Variants in CTCFL observed in about 807,000 individuals in gnomAD.
CTCFL encodes CCCTC-binding factor like.
A neutral mutation model predicts 67.4 loss-of-function variants in CTCFL; 36 were observed. The ratio of observed to expected loss-of-function variants is 0.53; its 90% CI spans 0.41 to 0.71. The LOEUF (loss-of-function observed/expected upper bound fraction) is 0.71, where lower values mean the gene tolerates loss of function less well. Among genes scored for constraint, CTCFL ranks in the 30% least tolerant of loss-of-function variants. The pLI is 0.00. For missense variants in CTCFL, 786 were observed against 835.2 expected (o/e 0.94, Z 0.73); for synonymous variants, 324 against 302.3 (o/e 1.07, Z -0.75).
Position 57,498,539 on chromosome 20 carries a change from C to T in CTCFL, c.*11G>A. On this transcript the variant is annotated 3_prime_UTR_variant, in exon 11 of 11. Coordinates refer to ENST00000243914, the MANE Select transcript of CTCFL (RefSeq NM_001386993.1). ...GAATTGGGGGCAGTGAACACGCAACCCGAATCCCTCTCACTTATCCATCGT... is the reference window on the plus strand; with the variant it reads ...GAATTGGGGGCAGTGAACACGCAACTCGAATCCCTCTCACTTATCCATCGT... The T allele has an allele frequency of 6.2e-7, 1 of 1,608,212 alleles. No individual in the cohort carries two copies.
intron 10 of CTCFL, chr20:57,500,318 G>A (rs2067852438): frequency 3.7e-6 from 2 of 544,408 alleles, no homozygotes; most frequent in Non-Finnish European, 5.6e-6. Flanking sequence ...AGCCAGGCGT[G>A]GTGGCGGGCA....
intron 5 of CTCFL, 28 bp downstream of exon 5, chr20:57,518,730 G>C: frequency 6.2e-7 from 1 of 1,614,108 alleles, no homozygotes; most frequent in Non-Finnish European, 8.5e-7. Flanking sequence ...AAGATGCCAT[G>C]AAGCTTCAAG....
chr20:57,508,701 G>T lies in CTCFL; in HGVS notation c.1579C>A (p.Gln527Lys). 2.5e-6 allele frequency: 4 copies of T among 1,614,136 alleles called. No individual in the cohort carries two copies. The highest frequency in any genetic ancestry group is 1.7e-6 in the Non-Finnish European group (2 of 1,179,994). Reference protein sequence around the residue: ...LSCNKCFRQKQLLNAHFRKYH... With the variant: ...LSCNKCFRQKKLLNAHFRKYH... ...TTCCTGAAGTGAGCGTTTAGAAGTT[G>T]CTTCTGTCGGAAACATTTATTGCAA... The change falls in exon 9 of 11, where the codon CAA (glutamine) becomes AAA (lysine). Residue 527 changes from glutamine to lysine, a missense_variant. By Grantham distance (53) the Gln-to-Lys change is moderately conservative. This residue lies in a region of CTCFL where 199 missense variants were observed against 196.7 expected (regional missense o/e 1.01). Transcript: ENST00000243914.
At chr20:57,499,075 G>GGGGGGT (rs2067786327) in intron 10 of CTCFL, among the ~76,000 whole-genome samples, 2 of 84,636 alleles carry the variant, frequency 2.4e-5, no homozygotes, top group Non-Finnish European at 4.2e-5. Flanking sequence ...GAAGGTGACG[G>GGGGGGT]GGGGGGGGTG....
intron 5 of CTCFL, among the ~76,000 whole-genome samples, chr20:57,518,337 C>T (rs183281172): frequency 4.1e-4 from 63 of 152,340 alleles, no homozygotes; most frequent in Admixed American, 1.2e-3. Context: ...GAAACGTCTA[C>T]GCTTAAATCT....
intron 5 of CTCFL, among the ~76,000 whole-genome samples, chr20:57,516,728 T>G (rs2068950303): frequency 6.6e-6 from 1 of 152,134 alleles, no homozygotes; most frequent in Non-Finnish European, 1.5e-5. Context: ...TAAGAAGAAT[T>G]AAGTTTTAAG....
intron 7 of CTCFL, chr20:57,513,142 G>GAACA (rs1323812720): frequency 6.3e-5 from 38 of 598,764 alleles, no homozygotes; most frequent in Non-Finnish European, 7.8e-5. Context: ...AATGTTCATT[G>GAACA]AACAAAGCAC....
chr20:57,524,691 C>T (rs2146486426), intron 1 of CTCFL: 1 of 998,270 alleles, frequency 1.0e-6, no homozygotes, highest in Non-Finnish European at 1.2e-6. Flanking sequence ...ACCCGGCGCC[C>T]AGCGAGGTTC....
chr20:57,504,111 G>A (rs113269782), intron 9 of CTCFL, among the ~76,000 whole-genome samples: 4 of 151,626 alleles, frequency 2.6e-5, no homozygotes, highest in African/African-American at 9.7e-5. Flanking sequence ...CAAGTAGCTG[G>A]GACTACAGGC....
rs769011689 is a variant in CTCFL at position 57,523,758 on chromosome 20, C to T, written c.448G>A (p.Val150Met). The T allele has an allele frequency of 3.1e-6, 5 of 1,613,300 alleles. No homozygotes were observed. The South Asian group carries it at 4.4e-5, about 14-fold the overall frequency. ...TCCTCTAGAGCGTGGAACTGCAACA[C>T]CTCCATCTCTTGCGGGGAGTACAGC... The part of the protein sequence containing the change: ...QELYSPQEME[V>M]LQFHALEENV... Residue 150 changes from valine (V) to methionine (M), a missense_variant, in exon 2 of 11, where the codon GTG becomes ATG. By Grantham distance (21) the Val-to-Met change is conservative. Around this residue, in one of 3 missense-constraint regions of CTCFL, gnomAD observed 333 missense variants for 304.6 expected, o/e 1.09. Transcript: ENST00000243914.
chr20:57,518,851 A>G lies in CTCFL; in HGVS notation c.966T>C (p.Phe322=), dbSNP rs953501676. The change falls in exon 5 of 11, where the codon TTT becomes TTC. Residue 322 remains phenylalanine (F), a synonymous_variant. Coordinates refer to ENST00000243914, the MANE Select transcript of CTCFL (RefSeq NM_001386993.1). ...PYKCNDCNMA[F]VTSGELVRHR... is the part of the protein sequence containing the mutation. ...GTCGGACGAGTTCTCCACTGGTGAC[A>G]AATGCCATGTTGCAGTCGTTACACT... 2 of 1,614,024 alleles carry G rather than the reference A, an allele frequency of 1.2e-6. No homozygotes were observed. Among genetic ancestry groups the G allele is most frequent in the African/African-American group, 2.7e-5 (2 of 74,940 alleles).
intron 10 of CTCFL, among the ~76,000 whole-genome samples, chr20:57,503,180 C>T (rs530534324): frequency 2.5e-4 from 38 of 152,360 alleles, no homozygotes; most frequent in African/African-American, 8.7e-4. Flanking sequence ...TAGCTGCAGG[C>T]GACAGTCCAA....
intron 10 of CTCFL, chr20:57,500,078 T>C (rs949519261): frequency 1.1e-5 from 11 of 976,748 alleles, no homozygotes; most frequent in Non-Finnish European, 2.4e-6. Context: ...CCATGCTTCC[T>C]TGAAGTATTT....
At position 57,497,463 on chromosome 20, in the gene CTCFL, T is replaced by C; in HGVS notation, c.*1087A>G. On this transcript the variant is annotated 3_prime_UTR_variant, in exon 11 of 11. Coordinates refer to ENST00000243914, the MANE Select transcript of CTCFL (RefSeq NM_001386993.1). ...TGAATTTAGGGCTTATCAATGATCT[T>C]GAAATACAGGGGTGGAGACAGGTTG... 4 of 985,402 alleles carry C rather than the reference T, an allele frequency of 4.1e-6. No homozygotes were observed. The highest frequency in any genetic ancestry group is 4.8e-6 in the Non-Finnish European group (4 of 829,916). The allele number at this position is 985,402 out of a possible 1,614,324, so 61.0% of individuals were successfully genotyped here. A position where few individuals can be genotyped will look rare whatever the true frequency, so the allele number is the denominator to read the frequency against.
At chr20:57,503,222 C>G (rs1301097830) in intron 10 of CTCFL, among the ~76,000 whole-genome samples, 1 of 152,216 alleles carries the variant, frequency 6.6e-6, no homozygotes, top group African/African-American at 2.4e-5. Context: ...GGGGTGGGGG[C>G]CACACATGGA....
chr20:57,514,761 G>A lies in CTCFL; in HGVS notation c.1181-20C>T. On this transcript the variant is annotated intron_variant, in intron 6 of 10. Transcript: ENST00000243914. ...TCTCACCTGAGATGCAGACAACAAAGTGATTCCCCCTCCAGGCCTGATCCT... is the reference window on the plus strand; with the variant it reads ...TCTCACCTGAGATGCAGACAACAAAATGATTCCCCCTCCAGGCCTGATCCT... The A allele has an allele frequency of 3.1e-6, 5 of 1,612,470 alleles. No homozygotes were observed. The Middle Eastern group carries it at 6.6e-4, about 213-fold the overall frequency.
intron 3 of CTCFL, among the ~76,000 whole-genome samples, chr20:57,522,658 A>G (rs1459972435): frequency 6.6e-6 from 1 of 152,062 alleles, no homozygotes; most frequent in Non-Finnish European, 1.5e-5. Context: ...ACTCACCTAA[A>G]TATCACCTCC....
At chr20:57,524,748 CCT>C (rs1387471780) in intron 1 of CTCFL, 1 of 987,400 alleles carries the variant, frequency 1.0e-6, no homozygotes, top group African/African-American at 1.7e-5. Flanking sequence ...GACCTAGCAC[CCT>C]CAGAGCCAGG....
chr20:57,496,253 C>T (rs1322021945), downstream of CTCFL: 5 of 673,272 alleles, frequency 7.4e-6, no homozygotes, highest in South Asian at 6.5e-5. Context: ...CCTGCTTTCA[C>T]CATGTGACGC....
Sources: gnomAD v4.1 joint callset for allele counts (sites outside exome capture counted in the v4.1 genomes callset) on GRCh38, gnomAD v4.1.1 for gene constraint, gnomAD v4.1.1 regional missense constraint, MANE v1.5 for transcripts, NCBI Gene and HGNC (gene_info 2026-07-23, HGNC 2026-07-21) for gene names.